APCDD1: variants seen among roughly 807,000 people sequenced by gnomAD.
APCDD1 encodes the protein protein APCDD1.
APCDD1 carries 15 observed loss-of-function variants against 38.1 expected under a neutral mutation model. That is an observed-to-expected ratio of 0.39 (90% confidence interval 0.26 to 0.61). The LOEUF is 0.61. Among genes scored for constraint, APCDD1 ranks in the 20% least tolerant of loss-of-function variants. The pLI is 0.49. For missense variants in APCDD1, 647 were observed against 696.2 expected, an observed-to-expected ratio of 0.93 and a Z score of 0.79; for synonymous variants, 261 against 279.7, an observed-to-expected ratio of 0.93 and a Z score of 0.67.
At chr18:10,480,452 G>C (rs2031107233) in intron 3 of APCDD1, among the ~76,000 whole-genome samples, 1 of 152,178 alleles carries the variant, frequency 6.6e-6, no homozygotes, top group African/African-American at 2.4e-5. Context: ...ATGAGAATTA[G>C]CATAAATGAT....
chr18:10,488,674 A>G lies in APCDD1; in HGVS notation c.*636A>G, dbSNP rs1199640629. 1 of 152,302 alleles carries G rather than the reference A, an allele frequency of 6.6e-6. No individual in the cohort carries two copies. Among genetic ancestry groups the G allele is most frequent in the African/African-American group, 2.4e-5 (1 of 41,456 alleles). 9.4% of individuals were successfully genotyped at this position (152,302 alleles called of 1,614,324 possible). On this transcript the variant is annotated 3_prime_UTR_variant, in exon 5 of 5. Coordinates refer to ENST00000355285, the MANE Select transcript of APCDD1 (RefSeq NM_153000.5). ...AAATGTTGCGTGGAAAAGTATCTGT[A>G]ATTAAAGTTTCGAAGTAATTTAACC...
Position 10,485,619 on chromosome 18 carries a change from GCC to G in APCDD1, c.933_934del (p.His312LeufsTer5). The G allele has an allele frequency of 1.2e-6, 2 of 1,614,102 alleles. No individual in the cohort carries two copies. Among genetic ancestry groups the G allele is most frequent in the Non-Finnish European group, 1.7e-6 (2 of 1,180,020 alleles). On this transcript the variant is annotated frameshift_variant, in exon 4 of 5. Coordinates refer to ENST00000355285, the MANE Select transcript of APCDD1 (RefSeq NM_153000.5). LOFTEE classifies it high-confidence loss of function. This position sits in a 1 kb window ranked among gnomAD's most constrained non-coding sequence, Gnocchi z 5.8. ...CGCCCCGAAGTCCTCTTCCTCACCC[GCC>G]ACTTCATCTTCCATGACAACAACAA...
chr18:10,468,373 C>A, intron 1 of APCDD1, 96 bp from the exon 2 acceptor site: 1 of 1,308,922 alleles, frequency 7.6e-7, no homozygotes, highest in Non-Finnish European at 1.1e-6. Flanking sequence ...TCATTTCCCA[C>A]CTTCAGCCAC....
rs2030792327 is a variant in APCDD1, at chr18:10,469,210, C to A, written c.242+558C>A. On this transcript the variant is annotated intron_variant, in intron 2 of 4. Coordinates refer to ENST00000355285, the MANE Select transcript of APCDD1 (RefSeq NM_153000.5). The surrounding 1 kb of genome is among the most constrained non-coding windows in gnomAD (Gnocchi z 5.5). ...TTTTAAAAATAGCCGAGAGGCAGAT[C>A]TGCGATTTTTTTTTTCTACCCATTA... 6.6e-6 allele frequency among the ~76,000 whole-genome samples: 1 copy of A among 152,152 alleles called. No individual in the cohort carries two copies.
rs1412396908 is a variant in APCDD1 at position 10,485,566 on chromosome 18, G to A, written c.879G>A (p.Gly293=). The change falls in exon 4 of 5, where the codon GGG becomes GGA. Residue 293 remains glycine, a synonymous_variant. Coordinates refer to ENST00000355285, the MANE Select transcript of APCDD1 (RefSeq NM_153000.5). This position sits in a 1 kb window ranked among gnomAD's most constrained non-coding sequence, Gnocchi z 5.8. The stretch of plus-strand genomic sequence containing the variant: ...CAGACCTGACCATCGGCCTGCACGG[G>A]GAGTGGGTGAGCCAGCGCTGTGAGG... ...PKADLTIGLH[G]EWVSQRCEVR... The A allele has an allele frequency of 1.9e-6, 3 of 1,614,136 alleles. No homozygotes were observed. Among genetic ancestry groups the A allele is most frequent in the Non-Finnish European group, 2.5e-6 (3 of 1,180,034 alleles).
chr18:10,480,197 C>T (rs1424960756), intron 3 of APCDD1, among the ~76,000 whole-genome samples: 1 of 152,132 alleles, frequency 6.6e-6, no homozygotes, highest in Non-Finnish European at 1.5e-5. Flanking sequence ...TGTCTTGGAA[C>T]ATGGATCCCC....
chr18:10,470,341 C>T lies in APCDD1; in HGVS notation c.243-1189C>T, dbSNP rs1249829860. The stretch of plus-strand genomic sequence containing the variant: ...AGAAATCTGGGGTGTTTGCTCTCTC[C>T]TTTTTCTAAGATTACAGATACCCCA... On this transcript the variant is annotated intron_variant, in intron 2 of 4. Coordinates refer to ENST00000355285, the MANE Select transcript of APCDD1 (RefSeq NM_153000.5). The surrounding 1 kb of genome is among the most constrained non-coding windows in gnomAD (Gnocchi z 4.1). Among the ~76,000 whole-genome samples the T allele has an allele frequency of 6.6e-6, 1 of 152,172 alleles. No homozygotes were observed. The highest frequency in any genetic ancestry group is 1.5e-5 in the Non-Finnish European group (1 of 68,022).
At chr18:10,478,269 C>CT (rs1355258894) in intron 3 of APCDD1, among the ~76,000 whole-genome samples, 1 of 152,248 alleles carries the variant, frequency 6.6e-6, no homozygotes, top group Non-Finnish European at 1.5e-5. Flanking sequence ...CTGAGGCTCT[C>CT]TGAGTACCCC....
chr18:10,464,927 G>C (rs1598395793), intron 1 of APCDD1, among the ~76,000 whole-genome samples: 1 of 152,188 alleles, frequency 6.6e-6, no homozygotes, highest in Admixed American at 6.5e-5. Context: ...CTGTTAGTTA[G>C]AGGGGACTTT....
At chr18:10,456,765 C>T (rs2030392229) in intron 1 of APCDD1, among the ~76,000 whole-genome samples, 1 of 152,138 alleles carries the variant, frequency 6.6e-6, no homozygotes, top group African/African-American at 2.4e-5. Flanking sequence ...AAGACAGGAG[C>T]TCCAAATCTC....
rs2031218468 is a variant in APCDD1, at chr18:10,485,039, G to C, written c.775-423G>C. 6.6e-6 allele frequency among the ~76,000 whole-genome samples: 1 copy of C among 152,092 alleles called. No homozygotes were observed. Among genetic ancestry groups the C allele is most frequent in the Non-Finnish European group, 1.5e-5 (1 of 68,020 alleles). ...CACCTTACTGTTTTCCATAGTGGCT[G>C]GACCATTGTATATTCTCATCAGCTG... is the stretch of plus-strand genomic sequence containing the variant. On this transcript the variant is annotated intron_variant, in intron 3 of 4. Coordinates refer to ENST00000355285, the MANE Select transcript of APCDD1 (RefSeq NM_153000.5). The surrounding 1 kb of genome is among the most constrained non-coding windows in gnomAD (Gnocchi z 5.8).
rs1454043834 is a variant in APCDD1, at chr18:10,454,713, G to C, written c.-269G>C. The C allele has an allele frequency of 7.1e-6, 7 of 983,272 alleles. No individual in the cohort carries two copies. Among genetic ancestry groups the C allele is most frequent in the Middle Eastern group, 5.2e-4 (1 of 1,918 alleles). The allele number at this position is 983,272 out of a possible 1,614,324, so 60.9% of individuals were successfully genotyped here. On this transcript the variant is annotated 5_prime_UTR_variant, in exon 1 of 5. Coordinates refer to ENST00000355285, the MANE Select transcript of APCDD1 (RefSeq NM_153000.5). The stretch of plus-strand genomic sequence containing the variant: ...GCACGCGGCGGCCGGGGCGGGACGC[G>C]GGGCCGGGCGCGGAGAAGTCGGGGC...
rs2030957463 is a variant in APCDD1, at chr18:10,475,007, C to G, written c.774+2946C>G. 6.6e-6 allele frequency among the ~76,000 whole-genome samples: 1 copy of G among 152,234 alleles called. No homozygotes were observed. Among genetic ancestry groups the G allele is most frequent in the East Asian group, 1.9e-4 (1 of 5,200 alleles). ...TCAGCCGTGTGGCATTGGTAGTTAT[C>G]TGACCTACTGGAGACTTCATTTTCC... On this transcript the variant is annotated intron_variant, in intron 3 of 4. Coordinates refer to ENST00000355285, the MANE Select transcript of APCDD1 (RefSeq NM_153000.5). This position sits in a 1 kb window ranked among gnomAD's most constrained non-coding sequence, Gnocchi z 4.0.
Position 10,471,980 on chromosome 18 carries a change from CCT to C in APCDD1, c.694_695del (p.Leu232TrpfsTer2), listed in dbSNP as rs755754147. The C allele has an allele frequency of 1.2e-6, 2 of 1,614,056 alleles. No individual in the cohort carries two copies. Among genetic ancestry groups the C allele is most frequent in the Admixed American group, 3.3e-5 (2 of 60,034 alleles). On this transcript the variant is annotated frameshift_variant, in exon 3 of 5. Coordinates refer to ENST00000355285, the MANE Select transcript of APCDD1 (RefSeq NM_153000.5). LOFTEE classifies it high-confidence loss of function. The surrounding 1 kb of genome is among the most constrained non-coding windows in gnomAD (Gnocchi z 5.5). ...NLDHLVEELF[L>X]GDIHTDATQR... ...TCGACCACCTGGTCGAGGAGCTCTTCCTTGGTGACATTCACACTGATGCCACC... is the reference window on the plus strand; with the variant it reads ...TCGACCACCTGGTCGAGGAGCTCTTCTGGTGACATTCACACTGATGCCACC...
rs1002886635 is a variant in APCDD1, at chr18:10,485,598, C to G, written c.911C>G (p.Pro304Arg). ...GTGAGCCAGCGCTGTGAGGTGCGCC[C>G]CGAAGTCCTCTTCCTCACCCGCCAC... ...EWVSQRCEVRPEVLFLTRHFI... is the reference protein window; with the variant it reads ...EWVSQRCEVRREVLFLTRHFI... Residue 304 changes from proline to arginine, a missense_variant, in exon 4 of 5, where the codon CCC (proline) becomes CGC (arginine). Transcript: ENST00000355285. This position sits in a 1 kb window ranked among gnomAD's most constrained non-coding sequence, Gnocchi z 5.8. The G allele has an allele frequency of 6.2e-7, 1 of 1,614,064 alleles. No individual in the cohort carries two copies. The highest frequency in any genetic ancestry group is 1.3e-5 in the African/African-American group (1 of 75,032).
chr18:10,471,749 C>T lies in APCDD1; in HGVS notation c.462C>T (p.Cys154=). ...AGCTGCACAACGTCCAGGTGATCTG[C>T]CACACAGAGGCGGTGGCCGAGAAGC... ...DYQLHNVQVI[C]HTEAVAEKLG... Residue 154 remains cysteine, a synonymous_variant, in exon 3 of 5, where the codon TGC becomes TGT. Coordinates refer to ENST00000355285, the MANE Select transcript of APCDD1 (RefSeq NM_153000.5). The surrounding 1 kb of genome is among the most constrained non-coding windows in gnomAD (Gnocchi z 5.5). 6 of 1,613,892 alleles carry T rather than the reference C, an allele frequency of 3.7e-6. No homozygotes were observed. The highest frequency in any genetic ancestry group is 5.1e-6 in the Non-Finnish European group (6 of 1,179,870).
intron 3 of APCDD1, among the ~76,000 whole-genome samples, chr18:10,479,428 G>A (rs905981790): frequency 1.3e-4 from 20 of 152,168 alleles, no homozygotes; most frequent in Admixed American, 4.6e-4. Flanking sequence ...GGAAGATGGC[G>A]AAAACAAACA....
intron 1 of APCDD1, among the ~76,000 whole-genome samples, chr18:10,463,534 C>T (rs141763758): frequency 2.0e-4 from 30 of 152,254 alleles, no homozygotes; most frequent in Middle Eastern, 3.4e-3. Context: ...TGGGGTTTAC[C>T]GGTCTAACTT....
chr18:10,471,512 T>A lies in APCDD1; in HGVS notation c.243-18T>A. Reference sequence around the variant, plus strand: ...CTTCAGGCTTACAAAGGTCTCTTCTTCCCCTTTTCTTGCCCAGCTGTGAAG... The same window carrying A: ...CTTCAGGCTTACAAAGGTCTCTTCTACCCCTTTTCTTGCCCAGCTGTGAAG... On this transcript the variant is annotated intron_variant, in intron 2 of 4. Coordinates refer to ENST00000355285, the MANE Select transcript of APCDD1 (RefSeq NM_153000.5). The surrounding 1 kb of genome is among the most constrained non-coding windows in gnomAD (Gnocchi z 5.5). 6.2e-7 allele frequency: 1 copy of A among 1,614,148 alleles called. No individual in the cohort carries two copies. Among genetic ancestry groups the A allele is most frequent in the Non-Finnish European group, 8.5e-7 (1 of 1,180,016 alleles).
Sources: gnomAD v4.1 joint callset for allele counts (sites outside exome capture counted in the v4.1 genomes callset) on GRCh38, gnomAD v4.1.1 for gene constraint, Gnocchi (gnomAD v3.1) non-coding constraint, MANE v1.5 for transcripts, NCBI Gene and HGNC (gene_info 2026-07-23, HGNC 2026-07-21) for gene names.